The following ST6GALNAC3 variants were observed in gnomAD, a reference collection of about 807,000 sequenced individuals.
ST6GALNAC3 encodes ST6 N-acetylgalactosaminide alpha-2,6-sialyltransferase 3, also known as alpha-N-acetylgalactosaminide alpha-2,6-sialyltransferase 3.
ST6GALNAC3 carries 25 observed loss-of-function variants against 32.7 expected under a neutral mutation model. That is an observed-to-expected ratio of 0.76 (90% CI 0.56 to 1.07). The LOEUF (loss-of-function observed/expected upper bound fraction) is 1.07, where lower values mean the gene tolerates loss of function less well. Ranked by LOEUF, ST6GALNAC3 falls within the 50% of genes least tolerant of loss-of-function variation. The pLI, the probability that ST6GALNAC3 is intolerant of heterozygous loss-of-function variation, is 0.00. For synonymous variants in ST6GALNAC3, 129 were observed against 133.1 expected (o/e 0.97, Z 0.21); for missense variants, 355 against 382.4 (o/e 0.93, Z 0.60).
intron 1 of ST6GALNAC3, among the ~76,000 whole-genome samples, chr1:76,207,744 G>A (rs1654900914): frequency 6.6e-6 from 1 of 152,120 alleles, no homozygotes; most frequent in South Asian, 2.1e-4. Context: ...TTTTGGAGGG[G>A]GACATTCAAA....
chr1:76,240,098 A>G (rs1425372923), intron 1 of ST6GALNAC3, among the ~76,000 whole-genome samples: 1 of 152,204 alleles, frequency 6.6e-6, no homozygotes, highest in African/African-American at 2.4e-5. Context: ...TGACCTTGAA[A>G]AAGTTGCTAG....
chr1:76,216,132 C>T (rs1655447766), intron 1 of ST6GALNAC3, among the ~76,000 whole-genome samples: 1 of 152,122 alleles, frequency 6.6e-6, no homozygotes, highest in Non-Finnish European at 1.5e-5. Flanking sequence ...ACTTGCTGTT[C>T]TTCTTGGTTG....
intron 1 of ST6GALNAC3, among the ~76,000 whole-genome samples, chr1:76,087,768 T>C (rs564936192): frequency 6.6e-6 from 1 of 152,328 alleles, no homozygotes; most frequent in East Asian, 1.9e-4. Context: ...TCCTAGAGTA[T>C]ATTACTCAGA....
intron 1 of ST6GALNAC3, among the ~76,000 whole-genome samples, chr1:76,204,190 G>A (rs1238438742): frequency 2.6e-5 from 4 of 152,006 alleles, no homozygotes; most frequent in African/African-American, 9.7e-5. Flanking sequence ...CTAACATAAT[G>A]ACCTCCACTT....
intron 1 of ST6GALNAC3, among the ~76,000 whole-genome samples, chr1:76,076,720 T>C (rs1272433346): frequency 1.3e-5 from 2 of 152,224 alleles, no homozygotes; most frequent in Non-Finnish European, 2.9e-5. Flanking sequence ...ATAACTATTA[T>C]TTTTTATAAA....
At chr1:76,579,183 G>A (rs1422264385) in intron 3 of ST6GALNAC3, among the ~76,000 whole-genome samples, 2 of 151,924 alleles carry the variant, frequency 1.3e-5, no homozygotes, top group Non-Finnish European at 2.9e-5. Flanking sequence ...TTATTGTGGA[G>A]AGGGGAGAAA....
chr1:76,129,617 G>A (rs1376288407), intron 1 of ST6GALNAC3, among the ~76,000 whole-genome samples: 1 of 152,100 alleles, frequency 6.6e-6, no homozygotes, highest in East Asian at 1.9e-4. Context: ...AATGTGGGAG[G>A]TGCAGCATAT....
At chr1:76,217,534 A>G (rs886951263) in intron 1 of ST6GALNAC3, among the ~76,000 whole-genome samples, 2 of 152,084 alleles carry the variant, frequency 1.3e-5, no homozygotes, top group African/African-American at 2.4e-5. Flanking sequence ...TATTATTTCA[A>G]TAGGATTTGG....
chr1:76,189,450 G>T (rs1022737232), intron 1 of ST6GALNAC3, among the ~76,000 whole-genome samples: 11 of 152,092 alleles, frequency 7.2e-5, no homozygotes, highest in Non-Finnish European at 1.0e-4. Flanking sequence ...AACCTGACAG[G>T]CCAATAGACA....
chr1:76,440,653 A>T (rs1029389703), intron 3 of ST6GALNAC3, among the ~76,000 whole-genome samples: 4 of 152,200 alleles, frequency 2.6e-5, no homozygotes, highest in Admixed American at 1.3e-4. Context: ...TAAACTATAA[A>T]TGATTAATTT....
intron 2 of ST6GALNAC3, among the ~76,000 whole-genome samples, chr1:76,411,630 T>G (rs1654244473): frequency 6.6e-6 from 1 of 152,132 alleles, no homozygotes; most frequent in South Asian, 2.1e-4. Context: ...TGCATTTCCT[T>G]TATAGCCACC....
At chr1:76,600,518 C>G (rs983301836) in intron 3 of ST6GALNAC3, among the ~76,000 whole-genome samples, 2 of 152,070 alleles carry the variant, frequency 1.3e-5, no homozygotes, top group African/African-American at 2.4e-5. Context: ...AAGACAGGAC[C>G]CTGCTCATTG....
At chr1:76,358,704 C>T (rs1044150279) in intron 2 of ST6GALNAC3, among the ~76,000 whole-genome samples, 16 of 152,042 alleles carry the variant, frequency 1.1e-4, no homozygotes, top group Admixed American at 2.6e-4. Context: ...TAAGAGTCTC[C>T]GGGATTCTTC....
chr1:76,117,136 A>T (rs1057298555), intron 1 of ST6GALNAC3, among the ~76,000 whole-genome samples: 3 of 152,218 alleles, frequency 2.0e-5, no homozygotes, highest in African/African-American at 7.2e-5. Context: ...TCACTAATGT[A>T]AAATTATTTT....
chr1:76,438,319 T>C (rs1407092405), intron 3 of ST6GALNAC3, among the ~76,000 whole-genome samples: 1 of 152,018 alleles, frequency 6.6e-6, no homozygotes, highest in Non-Finnish European at 1.5e-5. Context: ...GCCCGGCTAA[T>C]TTTTTGTATT....
At chr1:76,609,155 C>G (rs748029279) in intron 3 of ST6GALNAC3, among the ~76,000 whole-genome samples, 1 of 152,032 alleles carries the variant, frequency 6.6e-6, no homozygotes, top group Non-Finnish European at 1.5e-5. Context: ...CTCCCTTATT[C>G]GAATAGTTTT....
At chr1:76,508,159 C>G (rs947916350) in intron 3 of ST6GALNAC3, among the ~76,000 whole-genome samples, 3 of 152,092 alleles carry the variant, frequency 2.0e-5, no homozygotes, top group Non-Finnish European at 2.9e-5. Context: ...GAAAAATTTT[C>G]CATGAGGTGT....
intron 3 of ST6GALNAC3, among the ~76,000 whole-genome samples, chr1:76,521,948 A>T (rs1039429773): frequency 3.3e-5 from 5 of 152,174 alleles, no homozygotes; most frequent in Non-Finnish European, 5.9e-5. Context: ...ATGCACCTGT[A>T]GTCCCAGCTA....
chr1:76,315,002 C>T (rs921588515), intron 2 of ST6GALNAC3, among the ~76,000 whole-genome samples: 6 of 152,048 alleles, frequency 3.9e-5, no homozygotes, highest in African/African-American at 1.4e-4. Flanking sequence ...ATATCTGAGT[C>T]ATTGCTTCTG....
Sources: allele counts gnomAD v4.1 joint callset (sites outside exome capture counted in the v4.1 genomes callset), GRCh38; gene constraint gnomAD v4.1.1; transcripts MANE v1.5; gene names NCBI Gene and HGNC (gene_info 2026-07-23, HGNC 2026-07-21).